ERMP1: variants seen among roughly 807,000 people sequenced by gnomAD.
ERMP1 encodes endoplasmic reticulum metallopeptidase 1, also known as Felix-ina.
Under a neutral mutation model 92.0 loss-of-function variants are expected in ERMP1, and 86 were observed. The ratio of observed to expected loss-of-function variants is 0.93; its 90% CI spans 0.79 to 1.12. The LOEUF (loss-of-function observed/expected upper bound fraction) is 1.12, where lower values mean the gene tolerates loss of function less well. ERMP1 is among the 50% of genes most tolerant of loss of function. The pLI, the probability that ERMP1 is intolerant of heterozygous loss-of-function variation, is 0.00. For missense variants in ERMP1, 1,342 were observed against 1,116.3 expected (o/e 1.20, Z -2.88); for synonymous variants, 530 against 412.8 (o/e 1.28, Z -3.44).
chr9:5,793,063 T>C (rs555311992), intron 13 of ERMP1, among the ~76,000 whole-genome samples: 11 of 152,162 alleles, frequency 7.2e-5, no homozygotes, highest in South Asian at 6.2e-4. Context: ...TATGTGTGCA[T>C]TGTGTGTACA....
At chr9:5,799,448 A>G (rs1586777381) in intron 11 of ERMP1, among the ~76,000 whole-genome samples, 1 of 152,184 alleles carries the variant, frequency 6.6e-6, no homozygotes, top group Non-Finnish European at 1.5e-5. Context: ...ACAGAATTCT[A>G]TGAAAAGGCA....
intron 2 of ERMP1, 78 bp downstream of exon 2, chr9:5,830,649 G>T: frequency 8.5e-7 from 1 of 1,170,524 alleles, no homozygotes; most frequent in Non-Finnish European, 1.2e-6. Flanking sequence ...CCCCACAATT[G>T]CCCAAGTAGC....
chr9:5,787,054 G>A lies in ERMP1; in HGVS notation c.*90C>T. ...GAACATATGATCATTAAAATTCATTGACTTACGTTACAAACATCCACGTAA... is the reference window on the plus strand; with the variant it reads ...GAACATATGATCATTAAAATTCATTAACTTACGTTACAAACATCCACGTAA... On this transcript the variant is annotated 3_prime_UTR_variant, in exon 15 of 15. Coordinates refer to ENST00000339450, the MANE Select transcript of ERMP1 (RefSeq NM_024896.3). The A allele has an allele frequency of 7.8e-7, 1 of 1,275,576 alleles. No individual in the cohort carries two copies. 79.0% of individuals were successfully genotyped at this position (1,275,576 alleles called of 1,614,324 possible). A position where few individuals can be genotyped will look rare whatever the true frequency, so the allele number is the denominator to read the frequency against.
chr9:5,809,874 A>C, intron 8 of ERMP1, 137 bp downstream of exon 8: 5 of 612,154 alleles, frequency 8.2e-6, no homozygotes, highest in Non-Finnish European at 1.4e-5. Context: ...AAATTAACAC[A>C]GTGTAGGTGC....
upstream of ERMP1, among the ~76,000 whole-genome samples, chr9:5,833,956 A>C (rs1335196572): frequency 6.6e-6 from 1 of 152,176 alleles, no homozygotes; most frequent in East Asian, 1.9e-4. Context: ...TCTCTGCTCC[A>C]AGGTTTTTTG....
At chr9:5,831,314 T>G (rs1829930018) in intron 1 of ERMP1, among the ~76,000 whole-genome samples, 1 of 152,180 alleles carries the variant, frequency 6.6e-6, no homozygotes, top group Non-Finnish European at 1.5e-5. Flanking sequence ...ATTCAAAACG[T>G]GTGACCACTG....
intron 1 of ERMP1, chr9:5,832,487 G>C (rs1401808641): frequency 6.3e-6 from 3 of 475,470 alleles, no homozygotes; most frequent in Admixed American, 8.7e-5. Context: ...GAGCTTAACC[G>C]GGGACAGGCA....
intron 4 of ERMP1, among the ~76,000 whole-genome samples, chr9:5,823,349 C>A (rs1235151102): frequency 6.6e-6 from 1 of 152,106 alleles, no homozygotes; most frequent in East Asian, 1.9e-4. Context: ...TCCACTAAAT[C>A]AATGATAAAT....
At position 5,810,153 on chromosome 9, in the gene ERMP1, A is replaced by T; in HGVS notation, c.1406T>A (p.Leu469His). 6.2e-7 allele frequency: 1 copy of T among 1,614,152 alleles called. No homozygotes were observed. Among genetic ancestry groups the T allele is most frequent in the Non-Finnish European group, 8.5e-7 (1 of 1,180,006 alleles). ...AAGAGAGATGAACACTGCTATAATG[A>T]GAACGGTAACAAGGCTAGTGAACCA... ...ISWFTSLVTVLIIAVFISLIG... is the reference protein window; with the variant it reads ...ISWFTSLVTVHIIAVFISLIG... The change falls in exon 8 of 15, where the codon CTC becomes CAC. Residue 469 changes from leucine to histidine, a missense_variant. Transcript: ENST00000339450.
chr9:5,857,015 C>CT (rs906160248), intron 6 of ERMP1, among the ~76,000 whole-genome samples: 1 of 151,724 alleles, frequency 6.6e-6, no homozygotes, highest in Admixed American at 6.6e-5. Context: ...TGGACCATGA[C>CT]TTTTTTTTCT....
chr9:5,845,053 A>G (rs1830218305), intron 6 of ERMP1, among the ~76,000 whole-genome samples: 1 of 151,862 alleles, frequency 6.6e-6, no homozygotes, highest in African/African-American at 2.4e-5. Flanking sequence ...TTGGGGCAGT[A>G]TAGGGCCTTT....
At chr9:5,804,559 C>A (rs1227500751) in intron 10 of ERMP1, among the ~76,000 whole-genome samples, 1 of 152,154 alleles carries the variant, frequency 6.6e-6, no homozygotes, top group African/African-American at 2.4e-5. Context: ...GTGGTAGCAA[C>A]AAGGTAGTGG....
intron 6 of ERMP1, among the ~76,000 whole-genome samples, chr9:5,840,105 G>T (rs1392128952): frequency 6.6e-6 from 1 of 152,204 alleles, no homozygotes; most frequent in Non-Finnish European, 1.5e-5. Context: ...AACCAGGCGT[G>T]GTGGCGCAGG....
In ERMP1 at chr9:5,806,571, G is replaced by GGC. The variant is rs761074273; in HGVS notation, c.1549-788_1549-787dup. ...GCCTCCTGAAGTAACTGGGACTATA[G>GGC]GCACACACCACTACACCCAGCAAAG... On this transcript the variant is annotated intron_variant, in intron 8 of 14. Transcript: ENST00000339450. Among the ~76,000 whole-genome samples the GGC allele has an allele frequency of 1.3e-4, 19 of 151,766 alleles. No homozygotes were observed. In the East Asian group the frequency reaches 3.1e-3, roughly 25 times the overall value.
At chr9:5,817,750 G>A (rs190324861) in intron 4 of ERMP1, among the ~76,000 whole-genome samples, 2 of 152,010 alleles carry the variant, frequency 1.3e-5, no homozygotes, top group African/African-American at 4.8e-5. Context: ...GTAAGTCAAA[G>A]TTCTCTAGAA....
chr9:5,841,797 T>C (rs1005957975), intron 6 of ERMP1, among the ~76,000 whole-genome samples: 4 of 152,188 alleles, frequency 2.6e-5, no homozygotes, highest in African/African-American at 9.7e-5. Flanking sequence ...TTGGTCTCGC[T>C]GACTTCAAGA....
intron 6 of ERMP1, among the ~76,000 whole-genome samples, chr9:5,853,375 A>G (rs1051301348): frequency 3.9e-5 from 6 of 152,174 alleles, no homozygotes; most frequent in Admixed American, 3.9e-4. Context: ...GTATAACCTG[A>G]TCCCCTTCAC....
chr9:5,850,405 C>CAAAAAAAAAAAAAAAAAAA (rs59464514), intron 6 of ERMP1, among the ~76,000 whole-genome samples: 1 of 40,592 alleles, frequency 2.5e-5, no homozygotes, highest in South Asian at 1.5e-3. Context: ...AACTCCGTCT[C>CAAAAAAAAAAAAAAAAAAA]AAAAAAAAAA....
intron 6 of ERMP1, among the ~76,000 whole-genome samples, chr9:5,838,575 A>G (rs1050905726): frequency 2.3e-4 from 35 of 152,250 alleles, no homozygotes; most frequent in African/African-American, 7.2e-4. Context: ...TTTTTGATGT[A>G]GTAATTTCAT....
Sources: allele counts gnomAD v4.1 joint callset (sites outside exome capture counted in the v4.1 genomes callset), GRCh38; gene constraint gnomAD v4.1.1; transcripts MANE v1.5; gene names NCBI Gene and HGNC (gene_info 2026-07-23, HGNC 2026-07-21).